Variants in AP3D1 observed in about 807,000 individuals in gnomAD.
AP3D1 encodes the protein AP-3 complex subunit delta-1.
A neutral mutation model predicts 147.6 loss-of-function variants in AP3D1; 51 were observed. The observed-to-expected ratio is 0.35, with a 90% CI of 0.28 to 0.44. The LOEUF (loss-of-function observed/expected upper bound fraction) is 0.44, where lower values mean the gene tolerates loss of function less well. AP3D1 is among the 20% of genes least tolerant of loss of function. AP3D1 has a pLI of 1.00. For synonymous variants in AP3D1, 760 were observed against 663.0 expected, an observed-to-expected ratio of 1.15 and a Z score of -2.25; for missense variants, 1,421 against 1,624.2, an observed-to-expected ratio of 0.87 and a Z score of 2.15.
chr19:2,143,189 A>G (rs2019266205), intron 1 of AP3D1, among the ~76,000 whole-genome samples: 1 of 148,938 alleles, frequency 6.7e-6, no homozygotes, highest in Non-Finnish European at 1.5e-5. Flanking sequence ...TCAGCTTTCC[A>G]AGCAGCTAGG....
In AP3D1 at chr19:2,102,082, A is replaced by G. The variant is rs1399350171; in HGVS notation, c.*91T>C. 28 of 961,654 alleles carry G rather than the reference A, an allele frequency of 2.9e-5. No homozygotes were observed. The highest frequency in any genetic ancestry group is 4.3e-5 in the Non-Finnish European group (26 of 609,440). 59.6% of individuals were successfully genotyped at this position (961,654 alleles called of 1,614,324 possible). A position where few individuals can be genotyped will look rare whatever the true frequency, so the allele number is the denominator to read the frequency against. ...TAAATTAACACTCAGGCTTGGGTAC[A>G]GTACACACGACTGAGGAGAGGCGAG... On this transcript the variant is annotated 3_prime_UTR_variant, in exon 32 of 32. Transcript: ENST00000643116.
In AP3D1 at chr19:2,130,336, G is replaced by A. The variant is rs1007344434; in HGVS notation, c.592+72C>T. On this transcript the variant is annotated intron_variant, in intron 6 of 31. Coordinates refer to ENST00000643116, the MANE Select transcript of AP3D1 (RefSeq NM_001261826.3). ...CTCCCCGCAGCACCCCCCAAAACAC[G>A]CCACCACCTCTTCCCAGGGCACCGG... 38 of 1,598,888 alleles carry A rather than the reference G, an allele frequency of 2.4e-5. 1 individual carries two copies. The highest frequency in any genetic ancestry group is 1.5e-4 in the South Asian group (13 of 89,126).
intron 21 of AP3D1, 101 bp downstream of exon 21, chr19:2,114,647 G>GGCCC: frequency 6.9e-6 from 4 of 576,118 alleles, no homozygotes; most frequent in African/African-American, 2.0e-5. Flanking sequence ...ACCCCAGCCT[G>GGCCC]CCCACCCTGC....
intron 31 of AP3D1, among the ~76,000 whole-genome samples, chr19:2,108,448 T>C (rs1010052058): frequency 6.6e-6 from 1 of 152,068 alleles, no homozygotes; most frequent in Non-Finnish European, 1.5e-5. Context: ...GTGGGGCCCC[T>C]GGAGCCATGT....
intron 26 of AP3D1, 91 bp from the exon 27 acceptor site, chr19:2,110,987 A>AG: frequency 7.1e-7 from 1 of 1,401,270 alleles, no homozygotes; most frequent in Non-Finnish European, 9.8e-7. Flanking sequence ...CAGAGGCAGC[A>AG]GGGGTCCCAC....
chr19:2,151,362 G>A lies in AP3D1; in HGVS notation c.-28C>T, dbSNP rs759459483. On this transcript the variant is annotated 5_prime_UTR_variant, in exon 1 of 32. Coordinates refer to ENST00000643116, the MANE Select transcript of AP3D1 (RefSeq NM_001261826.3). Reference sequence around the variant, plus strand: ...CGGCGGCCCACGGGCTTTTGCCTCGGGAGGCCCGCGGCTGGGCGCCGTGAG... The same window carrying A: ...CGGCGGCCCACGGGCTTTTGCCTCGAGAGGCCCGCGGCTGGGCGCCGTGAG... 1.1e-4 allele frequency: 168 copies of A among 1,501,268 alleles called. No homozygotes were observed. Among genetic ancestry groups the A allele is most frequent in the Middle Eastern group, 9.5e-4 (5 of 5,254 alleles). The allele number at this position is 1,501,268 out of a possible 1,614,324, so 93.0% of individuals were successfully genotyped here.
rs982018486 is a variant in AP3D1, at chr19:2,113,338, T to C, written c.2677A>G (p.Thr893Ala). The change falls in exon 23 of 32, where the codon ACG becomes GCG. Residue 893 changes from threonine to alanine, a missense_variant and splice_region_variant. Thr to Ala is a moderately conservative substitution (Grantham distance 58, BLOSUM62 0). Coordinates refer to ENST00000643116, the MANE Select transcript of AP3D1 (RefSeq NM_001261826.3). ...PAPAPAPVPS[T>A]GELSVNTVTT... ...CTGGCCAGCTGCCAGTCTCTTACCG[T>C]GGATGGAACGGGGGCGGGGGCGGGG... 9 of 706,922 alleles carry C rather than the reference T, an allele frequency of 1.3e-5. No individual in the cohort carries two copies. Among genetic ancestry groups the C allele is most frequent in the Middle Eastern group, 6.0e-4 (1 of 1,656 alleles). 43.8% of individuals were successfully genotyped at this position (706,922 alleles called of 1,614,324 possible).
chr19:2,154,873 A>T (rs868743758), upstream of AP3D1, among the ~76,000 whole-genome samples: 1 of 152,214 alleles, frequency 6.6e-6, no homozygotes, highest in South Asian at 2.1e-4. Flanking sequence ...CTGTTTAATG[A>T]AGCTGCCATT....
chr19:2,118,862 G>A (rs746033875), intron 14 of AP3D1, 30 bp from the exon 15 acceptor site: 149 of 1,596,480 alleles, frequency 9.3e-5, no homozygotes, highest in Non-Finnish European at 1.2e-4. Context: ...TGAGCCCCCA[G>A]GATGCCAATC....
Position 2,101,317 on chromosome 19 carries a change from C to T in AP3D1, c.*856G>A, listed in dbSNP as rs953206623. 3 of 152,320 alleles carry T rather than the reference C, an allele frequency of 2.0e-5. No homozygotes were observed. Among genetic ancestry groups the T allele is most frequent in the African/African-American group, 7.2e-5 (3 of 41,432 alleles). 9.4% of individuals were successfully genotyped at this position (152,320 alleles called of 1,614,324 possible). The stretch of plus-strand genomic sequence containing the variant: ...TGTGAGGTGGCTCTCACAGGTCCTG[C>T]CCAAGGGCACTGGGCACACTCCTTC... On this transcript the variant is annotated 3_prime_UTR_variant, in exon 32 of 32. Transcript: ENST00000643116.
chr19:2,115,333 C>G lies in AP3D1; in HGVS notation c.2235G>C (p.Lys745Asn). Residue 745 changes from lysine to asparagine, a missense_variant, in exon 20 of 32, where the codon AAG becomes AAC. By Grantham distance (94) the Lys-to-Asn change is moderately conservative. Around this residue, in one of 6 missense-constraint regions of AP3D1, gnomAD observed 791 missense variants for 761.4 expected, o/e 1.04. Transcript: ENST00000643116. ...QKLEKDKRRK[K>N]RKEKEKKGKR... ...TGCCCTTCTTCTCCTTCTCCTTCCT[C>G]TTTTTCCTCCTCTTGTCCTTCTCCA... The G allele has an allele frequency of 6.2e-7, 1 of 1,610,648 alleles. No individual in the cohort carries two copies. Among genetic ancestry groups the G allele is most frequent in the Non-Finnish European group, 8.5e-7 (1 of 1,179,892 alleles).
chr19:2,112,587 T>C, intron 24 of AP3D1: 2 of 360,196 alleles, frequency 5.6e-6, no homozygotes, highest in Non-Finnish European at 1.0e-5. Flanking sequence ...ACAGAGGTGA[T>C]GATGGTTGCA....
At chr19:2,164,508 C>T (rs2019833346), upstream of AP3D1, 1 of 307,098 alleles carries the variant, frequency 3.3e-6, no homozygotes, top group Admixed American at 5.1e-5. Flanking sequence ...AGCCCTACCG[C>T]GGTGCCGTTG....
At position 2,109,949 on chromosome 19, in the gene AP3D1, C is replaced by A. The variant is rs1171504577; in HGVS notation, c.3274G>T (p.Gly1092Cys). 6.2e-7 allele frequency: 1 copy of A among 1,613,568 alleles called. No individual in the cohort carries two copies. The highest frequency in any genetic ancestry group is 8.5e-7 in the Non-Finnish European group (1 of 1,179,932). ...AAGTCCAGCTTCTCGTGGGTCGCAC[C>A]CTCGTCATTCTGCGGTGGAGTGAAG... ...TLSFIAKNDE[G>C]ATHEKLDFRL... Residue 1092 changes from glycine to cysteine, a missense_variant, in exon 29 of 32, where the codon GGT becomes TGT. By Grantham distance (159) the Gly-to-Cys change is radical. This residue lies in a region of AP3D1 where 791 missense variants were observed against 761.4 expected (regional missense o/e 1.04). Transcript: ENST00000643116.
At chr19:2,138,809 C>A in intron 1 of AP3D1, 95 bp from the exon 2 acceptor site, 6 of 887,770 alleles carry the variant, frequency 6.8e-6, no homozygotes, top group Non-Finnish European at 1.1e-5. Context: ...CGCCTGTAAT[C>A]CCAGCACTTT....
chr19:2,109,245 G>A (rs1296964514), intron 29 of AP3D1, 38 bp from the exon 30 acceptor site: 18 of 1,535,106 alleles, frequency 1.2e-5, no homozygotes, highest in South Asian at 1.0e-4. Flanking sequence ...CGGTGGGGCC[G>A]GGCTCCTCAG....
chr19:2,144,701 G>C (rs1043038482), intron 1 of AP3D1, among the ~76,000 whole-genome samples: 1 of 152,168 alleles, frequency 6.6e-6, no homozygotes, highest in Non-Finnish European at 1.5e-5. Context: ...TCAGGGGTTT[G>C]AGACCAGCTT....
At chr19:2,124,149 G>C (rs981797965) in intron 9 of AP3D1, among the ~76,000 whole-genome samples, 1 of 152,212 alleles carries the variant, frequency 6.6e-6, no homozygotes, top group African/African-American at 2.4e-5. Flanking sequence ...TGGTTCACTC[G>C]CAACCCCTGC....
chr19:2,103,621 G>A lies in AP3D1; in HGVS notation c.3553-1353C>T, dbSNP rs192347586. Among the ~76,000 whole-genome samples, 458 of 152,324 alleles carry A rather than the reference G, an allele frequency of 3.0e-3. 3 individuals carry two copies. Among genetic ancestry groups the A allele is most frequent in the South Asian group, 0.023 (112 of 4,824 alleles). ...AGGCCGCTGCCGGGTCCCAAGGCCA[G>A]GGACAAGAGGCAGCACTGACAGGAG... is the stretch of plus-strand genomic sequence containing the variant. On this transcript the variant is annotated intron_variant, in intron 31 of 31. Transcript: ENST00000643116.
Sources: allele counts gnomAD v4.1 joint callset (sites outside exome capture counted in the v4.1 genomes callset), GRCh38; gene constraint gnomAD v4.1.1; regional missense constraint gnomAD v4.1.1; transcripts MANE v1.5; gene names NCBI Gene and HGNC (gene_info 2026-07-23, HGNC 2026-07-21).